Variants in ASXL1 observed in about 807,000 individuals in gnomAD.
ASXL1 encodes polycomb group protein ASXL1.
A neutral mutation model predicts 89.1 loss-of-function variants in ASXL1; 65 were observed. That is an observed-to-expected ratio of 0.73 (90% CI 0.60 to 0.90). The LOEUF is 0.90. Among genes scored for constraint, ASXL1 ranks in the 40% least tolerant of loss-of-function variants. The pLI, the probability that ASXL1 is intolerant of heterozygous loss-of-function variation, is 0.00. For missense variants in ASXL1, 1,786 were observed against 1,942.9 expected (o/e 0.92, Z 1.52); for synonymous variants, 739 against 746.9 (o/e 0.99, Z 0.17).
At position 32,433,930 on chromosome 20, in the gene ASXL1, T is replaced by C. The variant is rs2123272218; in HGVS notation, c.1719+13T>C. ...CCCGCCCATCCGGGTAGGAGACTGT[T>C]TGATTCCTGGCTGCCCTGGAGCCAG... On this transcript the variant is annotated intron_variant, in intron 12 of 12. Transcript: ENST00000375687. The C allele has an allele frequency of 6.2e-7, 1 of 1,611,910 alleles. No homozygotes were observed. Among genetic ancestry groups the C allele is most frequent in the Non-Finnish European group, 8.5e-7 (1 of 1,180,002 alleles).
Position 32,435,933 on chromosome 20 carries a change from A to G in ASXL1, c.3221A>G (p.Gln1074Arg). 1 of 1,614,186 alleles carries G rather than the reference A, an allele frequency of 6.2e-7. No individual in the cohort carries two copies. The highest frequency in any genetic ancestry group is 8.5e-7 in the Non-Finnish European group (1 of 1,180,028). Residue 1074 changes from glutamine (Q) to arginine (R), a missense_variant, in exon 13 of 13, where the codon CAA (glutamine) becomes CGA (arginine). Physicochemically the swap from Gln to Arg is conservative, Grantham distance 43. Transcript: ENST00000375687. ...GTGTCTCGAGTATGTGCGGTCCGCC[A>G]AAAGATCCCAGATTCCCTACTGCTG... Reference protein sequence around the residue: ...SWVSRVCAVRQKIPDSLLLAS... With the variant: ...SWVSRVCAVRRKIPDSLLLAS...
intron 4 of ASXL1, among the ~76,000 whole-genome samples, chr20:32,391,429 T>C (rs1202992469): frequency 6.6e-6 from 1 of 152,170 alleles, no homozygotes; most frequent in Admixed American, 6.6e-5. Context: ...TGTTTAACTT[T>C]TAAAGAAATA....
Position 32,435,638 on chromosome 20 carries a change from C to G in ASXL1, c.2926C>G (p.Gln976Glu), listed in dbSNP as rs776868653. The change falls in exon 13 of 13, where the codon CAA becomes GAA. Residue 976 changes from glutamine to glutamate, a missense_variant. Physicochemically the swap from Gln to Glu is conservative, Grantham distance 29. Transcript: ENST00000375687. ...CAGTGACAGCAATGGCAGTTACTGT[C>G]AACAGGTGGACATTGAAAAGCTGAA... The part of the protein sequence containing the change: ...GGSDSNGSYC[Q>E]QVDIEKLKIN... The G allele has an allele frequency of 6.2e-7, 1 of 1,614,110 alleles. No homozygotes were observed. The highest frequency in any genetic ancestry group is 8.5e-7 in the Non-Finnish European group (1 of 1,180,032).
At chr20:32,411,536 C>CTT (rs749530241) in intron 4 of ASXL1, among the ~76,000 whole-genome samples, 3 of 123,896 alleles carry the variant, frequency 2.4e-5, no homozygotes, top group Admixed American at 8.8e-5. Context: ...CCATGGATTC[C>CTT]TTTTTTTTTT....
rs774627131 is a variant in ASXL1, at chr20:32,434,626, C to G, written c.1914C>G (p.Thr638=). The part of the protein sequence containing the change: ...RGHHCHREAA[T]TAIGGGGGPG... ...ACCACTGCCATAGAGAGGCGGCCAC[C>G]ACTGCCATCGGAGGGGGGGGTGGCC... Residue 638 remains threonine (T), a synonymous_variant, in exon 13 of 13, where the codon ACC becomes ACG. Coordinates refer to ENST00000375687, the MANE Select transcript of ASXL1 (RefSeq NM_015338.6). 1.9e-6 allele frequency: 3 copies of G among 1,609,468 alleles called. No homozygotes were observed. The Admixed American group carries it at 5.0e-5, about 27-fold the overall frequency.
At chr20:32,384,398 C>T (rs1239900455) in intron 4 of ASXL1, among the ~76,000 whole-genome samples, 1 of 151,932 alleles carries the variant, frequency 6.6e-6, no homozygotes, top group African/African-American at 2.4e-5. Context: ...GATGGGGTTT[C>T]ACCCCCAGGC....
chr20:32,438,181 A>C lies in ASXL1; in HGVS notation c.*843A>C. On this transcript the variant is annotated 3_prime_UTR_variant, in exon 13 of 13. Coordinates refer to ENST00000375687, the MANE Select transcript of ASXL1 (RefSeq NM_015338.6). ...TGAAAGTCATTTTACATTTCAAAGC[A>C]GTGTGTGTTTCTTATTTTTATATTT... The C allele has an allele frequency of 4.3e-6, 1 of 233,430 alleles. No individual in the cohort carries two copies. The highest frequency in any genetic ancestry group is 6.0e-5 in the East Asian group (1 of 16,554). The allele number at this position is 233,430 out of a possible 1,614,324, so 14.5% of individuals were successfully genotyped here. A position where few individuals can be genotyped will look rare whatever the true frequency, so the allele number is the denominator to read the frequency against.
At chr20:32,413,629 C>T (rs957859867) in intron 4 of ASXL1, among the ~76,000 whole-genome samples, 1 of 152,162 alleles carries the variant, frequency 6.6e-6, no homozygotes, top group African/African-American at 2.4e-5. Flanking sequence ...TCCTGGTTTG[C>T]CCACGATTGA....
Position 32,433,726 on chromosome 20 carries a change from C to G in ASXL1, c.1528C>G (p.Leu510Val). Residue 510 changes from leucine (L) to valine (V), a missense_variant, in exon 12 of 13, where the codon CTG becomes GTG. This residue lies in a region of ASXL1 where 1,418 missense variants were observed against 1,427.8 expected (regional missense o/e 0.99). Transcript: ENST00000375687. ...ASASPDRIPSLPQETVDQEPK... is the reference protein window; with the variant it reads ...ASASPDRIPSVPQETVDQEPK... ...TGCATCTCCAGACAGAATTCCTAGCCTGCCTCAGGAAACTGTGGATCAGGA... is the reference window on the plus strand; with the variant it reads ...TGCATCTCCAGACAGAATTCCTAGCGTGCCTCAGGAAACTGTGGATCAGGA... 6.2e-7 allele frequency: 1 copy of G among 1,613,470 alleles called. No individual in the cohort carries two copies. Among genetic ancestry groups the G allele is most frequent in the Non-Finnish European group, 8.5e-7 (1 of 1,179,514 alleles).
rs770838578 is a variant in ASXL1, at chr20:32,429,857, G to GCGGCTT, written c.566-43_566-38dup. 36 of 1,600,172 alleles carry GCGGCTT rather than the reference G, an allele frequency of 2.2e-5. No individual in the cohort carries two copies. The highest frequency in any genetic ancestry group is 3.0e-5 in the Non-Finnish European group (35 of 1,177,234). On this transcript the variant is annotated intron_variant, in intron 7 of 12. Transcript: ENST00000375687. The surrounding 1 kb of genome is among the most constrained non-coding windows in gnomAD (Gnocchi z 4.9). Reference sequence around the variant, plus strand: ...ATGAGCTTGTCTGAGAGCCATGGGCGCGGCTTGGTGATACTTTTGACCAGT... The same window carrying GCGGCTT: ...ATGAGCTTGTCTGAGAGCCATGGGCGCGGCTTCGGCTTGGTGATACTTTTGACCAGT...
intron 4 of ASXL1, among the ~76,000 whole-genome samples, chr20:32,399,953 G>A (rs2123047557): frequency 6.6e-6 from 1 of 151,722 alleles, no homozygotes; most frequent in East Asian, 1.9e-4. Flanking sequence ...GTAGAGACGG[G>A]GTTTCGCCAT....
At chr20:32,419,586 G>C (rs1263249089) in intron 4 of ASXL1, among the ~76,000 whole-genome samples, 1 of 151,692 alleles carries the variant, frequency 6.6e-6, no homozygotes, top group Admixed American at 6.6e-5. Context: ...ATTTATCCCT[G>C]GGTAACTTAC....
intron 4 of ASXL1, among the ~76,000 whole-genome samples, chr20:32,375,256 A>G (rs1459471568): frequency 6.6e-6 from 1 of 152,112 alleles, no homozygotes; most frequent in Non-Finnish European, 1.5e-5. Flanking sequence ...ACCTTAGGTC[A>G]GGAGTTCGCG....
At chr20:32,432,167 G>A (rs2011536800) in intron 10 of ASXL1, among the ~76,000 whole-genome samples, 1 of 152,230 alleles carries the variant, frequency 6.6e-6, no homozygotes, top group Non-Finnish European at 1.5e-5. Context: ...ACAGGGCTGC[G>A]GTTTATTACA....
In ASXL1 at chr20:32,366,371, T is replaced by G; in HGVS notation, c.58-13T>G. ...AATTGCACACTGAAATTAGGACGTT[T>G]ATATTTCTTCAGGTATTAGAAAACT... On this transcript the variant is annotated splice_polypyrimidine_tract_variant and intron_variant, in intron 1 of 12. Coordinates refer to ENST00000375687, the MANE Select transcript of ASXL1 (RefSeq NM_015338.6). 1 of 1,598,456 alleles carries G rather than the reference T, an allele frequency of 6.3e-7. No individual in the cohort carries two copies. Among genetic ancestry groups the G allele is most frequent in the African/African-American group, 1.3e-5 (1 of 74,688 alleles).
intron 4 of ASXL1, among the ~76,000 whole-genome samples, chr20:32,376,611 CT>C (rs2048382398): frequency 6.6e-6 from 1 of 151,894 alleles, no homozygotes; most frequent in African/African-American, 2.4e-5. Context: ...CTCTGTTTTC[CT>C]TTTAAAGGTA....
intron 8 of ASXL1, chr20:32,430,743 G>A: frequency 4.1e-6 from 1 of 242,260 alleles, no homozygotes; most frequent in Non-Finnish European, 8.2e-6. Context: ...TGCTTTTCCA[G>A]CTCATCAGCA....
chr20:32,401,324 A>G (rs1315657061), intron 4 of ASXL1, among the ~76,000 whole-genome samples: 1 of 152,120 alleles, frequency 6.6e-6, no homozygotes, highest in Admixed American at 6.6e-5. Context: ...TGTAGTCATC[A>G]TGTCCTCCTT....
At chr20:32,433,169 CCA>C in intron 11 of ASXL1, 113 bp from the exon 12 acceptor site, 1 of 1,550,572 alleles carries the variant, frequency 6.4e-7, no homozygotes, top group Non-Finnish European at 8.7e-7. Context: ...AGATTGTGCA[CCA>C]CACAGATTTA....
Sources: allele counts gnomAD v4.1 joint callset (sites outside exome capture counted in the v4.1 genomes callset), GRCh38; gene constraint gnomAD v4.1.1; regional missense constraint gnomAD v4.1.1; non-coding constraint Gnocchi (gnomAD v3.1); transcripts MANE v1.5; gene names NCBI Gene and HGNC (gene_info 2026-07-23, HGNC 2026-07-21).